Variants in ZSCAN25 observed in about 807,000 individuals in gnomAD.
ZSCAN25 encodes the protein zinc finger and SCAN domain-containing protein 25.
ZSCAN25 carries 27 observed loss-of-function variants against 38.7 expected under a neutral mutation model. The ratio of observed to expected loss-of-function variants is 0.70; its 90% CI spans 0.51 to 0.96. The LOEUF (loss-of-function observed/expected upper bound fraction) is 0.96. ZSCAN25 is among the 40% of genes least tolerant of loss of function. The probability of loss-of-function intolerance (pLI) is 0.00; values close to 1 mark genes in which losing one functional copy is unlikely to be tolerated. For missense variants in ZSCAN25, 637 were observed against 705.9 expected (o/e 0.90, Z 1.11); for synonymous variants, 273 against 277.7 (o/e 0.98, Z 0.17).
At chr7:99,665,440 G>A in the ZSCAN25 span, 1 of 1,340,048 alleles carries the variant, frequency 7.5e-7, no homozygotes, top group Non-Finnish European at 1.1e-6. Context: ...AGAACTATCT[G>A]CTGAATCATC....
At chr7:99,710,958 A>G in the ZSCAN25 span, 1 of 1,610,404 alleles carries the variant, frequency 6.2e-7, no homozygotes, top group Non-Finnish European at 8.5e-7. Context: ...TTTAGATGAA[A>G]AGAAATCTAA....
chr7:99,686,628 T>C, the ZSCAN25 span, among the ~76,000 whole-genome samples: 1 of 152,208 alleles, frequency 6.6e-6, no homozygotes, highest in African/African-American at 2.4e-5. Context: ...CAGACTTAAA[T>C]GTCCCTGTCT....
the ZSCAN25 span, chr7:99,676,238 G>C: frequency 6.2e-7 from 1 of 1,612,392 alleles, no homozygotes; most frequent in Non-Finnish European, 8.5e-7. Flanking sequence ...TCAGGTCACA[G>C]GGATTGTGAC....
the ZSCAN25 span, chr7:99,676,291 G>T: frequency 6.3e-7 from 1 of 1,599,052 alleles, no homozygotes; most frequent in South Asian, 1.1e-5. Context: ...GAACTGGAAT[G>T]GTCAAGAGAG....
Position 99,630,355 on chromosome 7 carries a change from A to G in ZSCAN25, c.*335A>G. 1 of 1,089,894 alleles carries G rather than the reference A, an allele frequency of 9.2e-7. No individual in the cohort carries two copies. Among genetic ancestry groups the G allele is most frequent in the South Asian group, 3.8e-5 (1 of 26,484 alleles). The allele number at this position is 1,089,894 out of a possible 1,614,324, so 67.5% of individuals were successfully genotyped here. A position where few individuals can be genotyped will look rare whatever the true frequency, so the allele number is the denominator to read the frequency against. ...AGGCAAAACCTTGACACGTGTTGGT[A>G]GCTGGGACCTCATCTTCCTGAGGGC... On this transcript the variant is annotated 3_prime_UTR_variant, in exon 8 of 8. Transcript: ENST00000394152.
chr7:99,726,890 G>A, the ZSCAN25 span, among the ~76,000 whole-genome samples: 55 of 152,194 alleles, frequency 3.6e-4, no homozygotes, highest in African/African-American at 1.3e-3. Context: ...AAAACACATG[G>A]GGTCTCCCTG....
the ZSCAN25 span, among the ~76,000 whole-genome samples, chr7:99,703,198 A>G: frequency 6.6e-6 from 1 of 152,174 alleles, no homozygotes; most frequent in East Asian, 1.9e-4. Flanking sequence ...TGGAGTTATC[A>G]TTTGGAGGGT....
At position 99,630,244 on chromosome 7, in the gene ZSCAN25, A is replaced by G. The variant is rs1385734214; in HGVS notation, c.*224A>G. ...AATTTTTCTTCCAATGTTTGAGGGA[A>G]GCAGTCTCCTGCGGTTCAGTTCAGG... On this transcript the variant is annotated 3_prime_UTR_variant, in exon 8 of 8. Coordinates refer to ENST00000394152, the MANE Select transcript of ZSCAN25 (RefSeq NM_145115.3). 7.4e-7 allele frequency: 1 copy of G among 1,347,198 alleles called. No homozygotes were observed. The highest frequency in any genetic ancestry group is 1.5e-5 in the African/African-American group (1 of 68,094). The allele number at this position is 1,347,198 out of a possible 1,614,324, so 83.5% of individuals were successfully genotyped here. A position where few individuals can be genotyped will look rare whatever the true frequency, so the allele number is the denominator to read the frequency against.
chr7:99,640,009 G>A, the ZSCAN25 span, among the ~76,000 whole-genome samples: 1 of 152,210 alleles, frequency 6.6e-6, no homozygotes, highest in African/African-American at 2.4e-5. Flanking sequence ...CAAGGCTGCA[G>A]TGAGCCAAGA....
At position 99,624,049 on chromosome 7, in the gene ZSCAN25, T is replaced by C; in HGVS notation, c.682-8T>C. 6.2e-7 allele frequency: 1 copy of C among 1,614,186 alleles called. No individual in the cohort carries two copies. Among genetic ancestry groups the C allele is most frequent in the South Asian group, 1.1e-5 (1 of 91,084 alleles). On this transcript the variant is annotated splice_polypyrimidine_tract_variant and splice_region_variant and intron_variant, in intron 6 of 7. Coordinates refer to ENST00000394152, the MANE Select transcript of ZSCAN25 (RefSeq NM_145115.3). ...TTCTTTATTCATAGCAATCTCCTAT[T>C]GTTGCAGGGGTTGGGGCCATTTAAA... is the stretch of plus-strand genomic sequence containing the variant.
chr7:99,637,663 G>T, the ZSCAN25 span, among the ~76,000 whole-genome samples: 1 of 152,078 alleles, frequency 6.6e-6, no homozygotes, highest in African/African-American at 2.4e-5. Context: ...TGCCACTGTG[G>T]GCTAAGTTTA....
At chr7:99,721,823 A>G in the ZSCAN25 span, among the ~76,000 whole-genome samples, 1 of 152,194 alleles carries the variant, frequency 6.6e-6, no homozygotes. Context: ...GAAGGCTATG[A>G]TGAGTGGATT....
At chr7:99,720,854 G>C in the ZSCAN25 span, 1 of 180,186 alleles carries the variant, frequency 5.5e-6, no homozygotes, top group African/African-American at 2.4e-5. Context: ...AATGTTTCAA[G>C]GGCAGTTGCT....
the ZSCAN25 span, chr7:99,695,768 C>G: frequency 6.2e-7 from 1 of 1,613,454 alleles, no homozygotes; most frequent in Non-Finnish European, 8.5e-7. Flanking sequence ...CAAAGTAGTT[C>G]CCAAAAAAAG....
the ZSCAN25 span, chr7:99,647,590 A>G: frequency 1.0e-6 from 1 of 984,868 alleles, no homozygotes; most frequent in South Asian, 4.7e-5. Context: ...ATCATAACTA[A>G]TAATATGATA....
the ZSCAN25 span, among the ~76,000 whole-genome samples, chr7:99,714,276 C>A: frequency 6.6e-6 from 1 of 152,270 alleles, no homozygotes; most frequent in South Asian, 2.1e-4. Flanking sequence ...AAGGGAAGTG[C>A]TGTGATAAGG....
At chr7:99,675,550 C>T in the ZSCAN25 span, among the ~76,000 whole-genome samples, 1 of 151,036 alleles carries the variant, frequency 6.6e-6, no homozygotes, top group Non-Finnish European at 1.5e-5. Flanking sequence ...GTGACTTTCC[C>T]TCCAGGGGTA....
the ZSCAN25 span, chr7:99,660,066 A>G: frequency 2.8e-6 from 1 of 363,364 alleles, no homozygotes; most frequent in East Asian, 1.6e-4. Context: ...CACTGCACCC[A>G]CTGTCCTGCA....
chr7:99,710,804 T>C, the ZSCAN25 span: 12 of 1,613,796 alleles, frequency 7.4e-6, no homozygotes, highest in Non-Finnish European at 9.3e-6. Context: ...CCAGTTCATA[T>C]ATAATGAAGG....
Sources: allele counts gnomAD v4.1 joint callset (sites outside exome capture counted in the v4.1 genomes callset), GRCh38; gene constraint gnomAD v4.1.1; transcripts MANE v1.5; gene names NCBI Gene and HGNC (gene_info 2026-07-23, HGNC 2026-07-21).